ERN1: variants seen among roughly 807,000 people sequenced by gnomAD.
ERN1 encodes endoplasmic reticulum to nucleus signaling 1, also known as serine/threonine-protein kinase/endoribonuclease IRE1.
A neutral mutation model predicts 113.1 loss-of-function variants in ERN1; 39 were observed. That is an observed-to-expected ratio of 0.34 (90% CI 0.27 to 0.45). The LOEUF is 0.45. Ranked by LOEUF, ERN1 falls within the 20% of genes least tolerant of loss-of-function variation. The probability of loss-of-function intolerance (pLI) is 1.00; values close to 1 mark genes in which losing one functional copy is unlikely to be tolerated. For missense variants in ERN1, 976 were observed against 1,274.8 expected (o/e 0.77, Z 3.57); for synonymous variants, 507 against 515.9 (o/e 0.98, Z 0.23).
chr17:64,068,323 AC>A, intron 6 of ERN1, 32 bp from the exon 7 acceptor site: 1 of 1,468,936 alleles, frequency 6.8e-7, no homozygotes, highest in Non-Finnish European at 9.5e-7. Context: ...GCCCATTACC[AC>A]GGAGGGGCCA....
At chr17:64,114,686 T>C (rs1914759543) in intron 1 of ERN1, among the ~76,000 whole-genome samples, 1 of 152,162 alleles carries the variant, frequency 6.6e-6, no homozygotes, top group Middle Eastern at 3.4e-3. Context: ...GGAAGGTTGC[T>C]GTTCACATCG....
In ERN1 at chr17:64,109,071, C is replaced by G. The variant is rs199868305; in HGVS notation, c.55-10830G>C. ...CCCAGGAGGCAGAGGTTGCAGTGAG[C>G]TGAGATCGCACCATTGCACTCCAGC... is the stretch of plus-strand genomic sequence containing the variant. On this transcript the variant is annotated intron_variant, in intron 1 of 21. Coordinates refer to ENST00000433197, the MANE Select transcript of ERN1 (RefSeq NM_001433.5). 7.9e-5 allele frequency among the ~76,000 whole-genome samples: 12 copies of G among 152,026 alleles called. No homozygotes were observed. In the East Asian group the frequency reaches 2.3e-3, roughly 29 times the overall value.
At position 64,057,896 on chromosome 17, in the gene ERN1, G is replaced by A. The variant is rs201598988; in HGVS notation, c.1304C>T (p.Ala435Val). The A allele has an allele frequency of 1.8e-5, 29 of 1,613,464 alleles. No individual in the cohort carries two copies. In the Admixed American group the frequency reaches 3.0e-4, roughly 17 times the overall value. Residue 435 changes from alanine to valine, a missense_variant, in exon 12 of 22, where the codon GCC (alanine) becomes GTC (valine). Around this residue, in one of 5 missense-constraint regions of ERN1, gnomAD observed 459 missense variants for 581.2 expected, o/e 0.79. Transcript: ENST00000433197. Reference protein sequence around the residue: ...KPAHAPARPEAPVDSMLKDMA... With the variant: ...KPAHAPARPEVPVDSMLKDMA... Reference sequence around the variant, plus strand: ...GTCCTTAAGCATGGAGTCCACGGGGGCCTCGGGCCGGGCAGGGGCATGGGC... The same window carrying A: ...GTCCTTAAGCATGGAGTCCACGGGGACCTCGGGCCGGGCAGGGGCATGGGC...
At chr17:64,066,436 C>T (rs185865542) in intron 8 of ERN1, among the ~76,000 whole-genome samples, 4 of 152,046 alleles carry the variant, frequency 2.6e-5, no homozygotes, top group Non-Finnish European at 5.9e-5. Context: ...CCATGGTGCC[C>T]GACACCTCCC....
intron 2 of ERN1, among the ~76,000 whole-genome samples, chr17:64,088,781 G>A (rs1027641545): frequency 5.3e-5 from 8 of 152,206 alleles, no homozygotes; most frequent in South Asian, 2.1e-4. Context: ...CGGAATACTC[G>A]GAGCAGAAAA....
intron 1 of ERN1, among the ~76,000 whole-genome samples, chr17:64,121,497 TTTG>T (rs201398058): frequency 7.2e-4 from 110 of 152,216 alleles, no homozygotes; most frequent in Middle Eastern, 6.8e-3. Flanking sequence ...CAGGCAATTT[TTTG>T]TTGTTGTTGT....
intron 1 of ERN1, 85 bp from the exon 2 acceptor site, chr17:64,098,326 T>C (rs1450573136): frequency 1.3e-6 from 2 of 1,513,554 alleles, no homozygotes; most frequent in Non-Finnish European, 1.8e-6. Context: ...ACTCCCAAGG[T>C]TATCCTACTA....
chr17:64,094,394 G>C (rs1914171399), intron 2 of ERN1, among the ~76,000 whole-genome samples: 2 of 152,102 alleles, frequency 1.3e-5, no homozygotes, highest in African/African-American at 4.8e-5. Flanking sequence ...CCTATTATTT[G>C]TTTTAGATTA....
intron 1 of ERN1, among the ~76,000 whole-genome samples, chr17:64,107,909 A>C (rs1346922955): frequency 1.3e-5 from 2 of 152,094 alleles, no homozygotes; most frequent in Non-Finnish European, 2.9e-5. Context: ...GGTCAGCAAT[A>C]ATCCATCAAC....
At chr17:64,113,752 C>T (rs896787380) in intron 1 of ERN1, among the ~76,000 whole-genome samples, 10 of 152,076 alleles carry the variant, frequency 6.6e-5, no homozygotes, top group African/African-American at 1.9e-4. Flanking sequence ...GGCGTGATCT[C>T]GGCCCACTGC....
At chr17:64,107,579 TCAAAGTG>T (rs1914564952) in intron 1 of ERN1, among the ~76,000 whole-genome samples, 1 of 152,106 alleles carries the variant, frequency 6.6e-6, no homozygotes, top group Non-Finnish European at 1.5e-5. Context: ...GCCTCACCTC[TCAAAGTG>T]CTGGGATTAC....
Position 64,119,174 on chromosome 17 carries a change from G to A in ERN1, c.54+10802C>T, listed in dbSNP as rs772078060. On this transcript the variant is annotated intron_variant, in intron 1 of 21. Coordinates refer to ENST00000433197, the MANE Select transcript of ERN1 (RefSeq NM_001433.5). The stretch of plus-strand genomic sequence containing the variant: ...ATAAATAAATAAACAAGCATAAGTC[G>A]GGTAACTTTAAATAAACATTTAAAC... Among the ~76,000 whole-genome samples, 136 of 151,798 alleles carry A rather than the reference G, an allele frequency of 9.0e-4. 1 individual carries two copies. Among genetic ancestry groups the A allele is most frequent in the Admixed American group, 2.7e-3 (41 of 15,252 alleles).
chr17:64,073,256 C>T (rs1913480696), intron 5 of ERN1, among the ~76,000 whole-genome samples: 2 of 151,082 alleles, frequency 1.3e-5, no homozygotes, highest in Admixed American at 6.6e-5. Context: ...GCAACCTCCA[C>T]CTCCCAGGTT....
In ERN1 at chr17:64,054,204, T is replaced by C; in HGVS notation, c.1953+46A>G. The C allele has an allele frequency of 2.0e-6, 3 of 1,518,996 alleles. No homozygotes were observed. The highest frequency in any genetic ancestry group is 2.7e-6 in the Non-Finnish European group (3 of 1,123,864). The allele number at this position is 1,518,996 out of a possible 1,614,324, so 94.1% of individuals were successfully genotyped here. A position where few individuals can be genotyped will look rare whatever the true frequency, so the allele number is the denominator to read the frequency against. On this transcript the variant is annotated intron_variant, in intron 15 of 21. Coordinates refer to ENST00000433197, the MANE Select transcript of ERN1 (RefSeq NM_001433.5). The surrounding 1 kb of genome is among the most constrained non-coding windows in gnomAD (Gnocchi z 4.9). ...ATCTGCTCACTTTGGCCTCCCAAAGTGCTATGACTTTAATAAAGTTAACAA... is the reference window on the plus strand; with the variant it reads ...ATCTGCTCACTTTGGCCTCCCAAAGCGCTATGACTTTAATAAAGTTAACAA...
chr17:64,057,891 C>G lies in ERN1; in HGVS notation c.1309G>C (p.Val437Leu). 3 of 1,613,478 alleles carry G rather than the reference C, an allele frequency of 1.9e-6. No individual in the cohort carries two copies. Among genetic ancestry groups the G allele is most frequent in the Non-Finnish European group, 2.5e-6 (3 of 1,179,684 alleles). ...GCCATGTCCTTAAGCATGGAGTCCA[C>G]GGGGGCCTCGGGCCGGGCAGGGGCA... ...AHAPARPEAP[V>L]DSMLKDMATI... is the part of the protein sequence containing the mutation. Residue 437 changes from valine to leucine, a missense_variant, in exon 12 of 22, where the codon GTG (valine) becomes CTG (leucine). Physicochemically the swap from Val to Leu is conservative, Grantham distance 32. Around this residue, in one of 5 missense-constraint regions of ERN1, gnomAD observed 459 missense variants for 581.2 expected, o/e 0.79. Transcript: ENST00000433197.
rs952796079 is a variant in ERN1, at chr17:64,084,477, G to T, written c.176-3669C>A. Reference sequence around the variant, plus strand: ...TGGCTCTGCCAATCACCAGCTGAGTGACCTTGGCAAAGTTACTTAAGCTCG... The same window carrying T: ...TGGCTCTGCCAATCACCAGCTGAGTTACCTTGGCAAAGTTACTTAAGCTCG... On this transcript the variant is annotated intron_variant, in intron 2 of 21. Coordinates refer to ENST00000433197, the MANE Select transcript of ERN1 (RefSeq NM_001433.5). Among the ~76,000 whole-genome samples the T allele has an allele frequency of 2.0e-5, 3 of 151,980 alleles. No individual in the cohort carries two copies. The East Asian group carries it at 5.8e-4, about 29-fold the overall frequency.
Position 64,049,275 on chromosome 17 carries a change from AGCAT to A in ERN1, c.2254-77_2254-74del. ...CCTCACTCACAGTCAGGGAGGGAGG[AGCAT>A]TGCTGCTGCTTCTGCCACCTAGAAG... On this transcript the variant is annotated intron_variant, in intron 17 of 21. Transcript: ENST00000433197. This position sits in a 1 kb window ranked among gnomAD's most constrained non-coding sequence, Gnocchi z 4.7. 7.0e-7 allele frequency: 1 copy of A among 1,436,166 alleles called. No homozygotes were observed. The highest frequency in any genetic ancestry group is 9.4e-7 in the Non-Finnish European group (1 of 1,068,134). 89.0% of individuals were successfully genotyped at this position (1,436,166 alleles called of 1,614,324 possible).
At chr17:64,058,846 T>C (rs1423233166) in intron 11 of ERN1, among the ~76,000 whole-genome samples, 2 of 152,088 alleles carry the variant, frequency 1.3e-5, no homozygotes, top group Admixed American at 6.6e-5. Flanking sequence ...CCCCTCCAGG[T>C]GTACCCCTCT....
intron 1 of ERN1, among the ~76,000 whole-genome samples, chr17:64,126,789 T>C (rs61659349): frequency 0.043 from 6,587 of 152,170 alleles, 154 homozygotes; most frequent in Middle Eastern, 0.065. Context: ...AAGACATTGC[T>C]AGTTAAGACT....
Sources: gnomAD v4.1 joint callset for allele counts (sites outside exome capture counted in the v4.1 genomes callset) on GRCh38, gnomAD v4.1.1 for gene constraint, gnomAD v4.1.1 regional missense constraint, Gnocchi (gnomAD v3.1) non-coding constraint, MANE v1.5 for transcripts, NCBI Gene and HGNC (gene_info 2026-07-23, HGNC 2026-07-21) for gene names.